The following LRRTM4 variants were observed in gnomAD, a reference collection of about 807,000 sequenced individuals.
LRRTM4 encodes leucine-rich repeat transmembrane neuronal protein 4.
A neutral mutation model predicts 47.6 loss-of-function variants in LRRTM4; 25 were observed. That is an observed-to-expected ratio of 0.53 (90% CI 0.38 to 0.73). The LOEUF (loss-of-function observed/expected upper bound fraction) is 0.73. LRRTM4 is among the 30% of genes least tolerant of loss of function. The pLI is 0.00. For synonymous variants in LRRTM4, 311 were observed against 269.5 expected (o/e 1.15, Z -1.51); for missense variants, 638 against 713.4 (o/e 0.89, Z 1.20).
chr2:77,182,500 C>T (rs1673377328), intron 3 of LRRTM4, among the ~76,000 whole-genome samples: 1 of 151,964 alleles, frequency 6.6e-6, no homozygotes, highest in Admixed American at 6.6e-5. Context: ...ACATATACCT[C>T]TGTAACAAAC....
rs537932443 is a variant in LRRTM4 at position 77,427,789 on chromosome 2, A to G, written c.1551+90529T>C. On this transcript the variant is annotated intron_variant, in intron 3 of 3. Transcript: ENST00000409884. ...ACTGAAGAGTTAAAATTCTTTGCTT[A>G]TTGATATATAAATCAATGTTACTAA... 2.6e-5 allele frequency among the ~76,000 whole-genome samples: 4 copies of G among 152,338 alleles called. No homozygotes were observed. In the South Asian group the frequency reaches 8.3e-4, roughly 32 times the overall value.
chr2:77,250,180 C>T (rs891637718), intron 3 of LRRTM4, among the ~76,000 whole-genome samples: 12 of 152,014 alleles, frequency 7.9e-5, no homozygotes, highest in Non-Finnish European at 1.3e-4. Flanking sequence ...GGGAGGTATA[C>T]CATGGCAGTG....
chr2:77,131,356 T>A (rs1671798749), intron 3 of LRRTM4, among the ~76,000 whole-genome samples: 1 of 152,170 alleles, frequency 6.6e-6, no homozygotes, highest in Admixed American at 6.5e-5. Context: ...ATATCAGCTC[T>A]CCTGAAATTC....
Position 76,911,854 on chromosome 2 carries a change from C to CTG in LRRTM4, c.1552-162940_1552-162939dup, listed in dbSNP as rs575835660. Reference sequence around the variant, plus strand: ...TGTGTGTGTGTATATTTGTGTGTGTCTGTGTGTGTGTGTGTAGCTTGAAAT... The same window carrying CTG: ...TGTGTGTGTGTATATTTGTGTGTGTCTGTGTGTGTGTGTGTGTAGCTTGAAAT... On this transcript the variant is annotated intron_variant, in intron 3 of 3. Coordinates refer to ENST00000409884, the MANE Select transcript of LRRTM4 (RefSeq NM_001134745.3). Among the ~76,000 whole-genome samples, 326 of 143,968 alleles carry CTG rather than the reference C, an allele frequency of 2.3e-3. 1 individual carries two copies. Among genetic ancestry groups the CTG allele is most frequent in the Non-Finnish European group, 3.5e-3 (235 of 66,428 alleles). The allele number at this position is 143,968 out of a possible 152,430, so 94.4% of individuals were successfully genotyped here. A position where few individuals can be genotyped will look rare whatever the true frequency, so the allele number is the denominator to read the frequency against.
In LRRTM4 at chr2:76,748,657, C is replaced by A; in HGVS notation, c.*38G>T. 7.1e-7 allele frequency: 1 copy of A among 1,403,852 alleles called. No homozygotes were observed. Among genetic ancestry groups the A allele is most frequent in the South Asian group, 1.2e-5 (1 of 86,914 alleles). The allele number at this position is 1,403,852 out of a possible 1,614,324, so 87.0% of individuals were successfully genotyped here. A position where few individuals can be genotyped will look rare whatever the true frequency, so the allele number is the denominator to read the frequency against. On this transcript the variant is annotated 3_prime_UTR_variant, in exon 4 of 4. Coordinates refer to ENST00000409884, the MANE Select transcript of LRRTM4 (RefSeq NM_001134745.3). Reference sequence around the variant, plus strand: ...CCTTTAAGATGAAGGCCCTCCCTCCCCCCCATGGAGCTCCCCAGTGAGGAG... The same window carrying A: ...CCTTTAAGATGAAGGCCCTCCCTCCACCCCATGGAGCTCCCCAGTGAGGAG...
At chr2:76,749,051 CAT>C (rs1672754473) in intron 3 of LRRTM4, 135 bp from the exon 4 acceptor site, 2 of 667,146 alleles carry the variant, frequency 3.0e-6, no homozygotes, top group Non-Finnish European at 5.2e-6. Flanking sequence ...TACAAATAAA[CAT>C]TAACAAAATG....
chr2:76,969,379 G>T (rs1252885122), intron 3 of LRRTM4, among the ~76,000 whole-genome samples: 1 of 151,830 alleles, frequency 6.6e-6, no homozygotes, highest in Non-Finnish European at 1.5e-5. Context: ...CAAGAAGTAT[G>T]AACGGTGCTA....
At chr2:77,261,747 A>G (rs1675925388) in intron 3 of LRRTM4, among the ~76,000 whole-genome samples, 1 of 152,112 alleles carries the variant, frequency 6.6e-6, no homozygotes, top group Non-Finnish European at 1.5e-5. Context: ...AATCAAATAA[A>G]CAACAACAAT....
At chr2:77,043,917 T>G (rs919291325) in intron 3 of LRRTM4, among the ~76,000 whole-genome samples, 1 of 151,660 alleles carries the variant, frequency 6.6e-6, no homozygotes, top group African/African-American at 2.4e-5. Flanking sequence ...AAACATTTTT[T>G]TTTTTACCCA....
At chr2:77,037,405 T>C (rs1307005514) in intron 3 of LRRTM4, among the ~76,000 whole-genome samples, 3 of 151,792 alleles carry the variant, frequency 2.0e-5, no homozygotes, top group Admixed American at 6.6e-5. Flanking sequence ...TGGGTCACTA[T>C]AGTTCTCTCT....
intron 3 of LRRTM4, among the ~76,000 whole-genome samples, chr2:77,493,300 A>G (rs754732745): frequency 9.2e-5 from 14 of 152,076 alleles, no homozygotes; most frequent in Non-Finnish European, 1.3e-4. Context: ...AAACAGGGAA[A>G]ATGAATCGGT....
intron 3 of LRRTM4, among the ~76,000 whole-genome samples, chr2:76,781,813 A>C (rs368018001): frequency 6.6e-6 from 1 of 152,116 alleles, no homozygotes; most frequent in African/African-American, 2.4e-5. Context: ...TTTTTCCTGA[A>C]GAGGACACTT....
intron 3 of LRRTM4, among the ~76,000 whole-genome samples, chr2:77,047,942 G>A (rs1679288574): frequency 6.6e-6 from 1 of 152,026 alleles, no homozygotes. Context: ...ACATTTAGCA[G>A]TGAAGTAACA....
chr2:76,833,574 A>G (rs1267216219), intron 3 of LRRTM4, among the ~76,000 whole-genome samples: 1 of 114,148 alleles, frequency 8.8e-6, no homozygotes, highest in Non-Finnish European at 1.7e-5. Flanking sequence ...TTATAAATTT[A>G]TATTCATAAT....
chr2:76,804,388 T>C (rs190816133), intron 3 of LRRTM4, among the ~76,000 whole-genome samples: 431 of 151,918 alleles, frequency 2.8e-3, no homozygotes, highest in Non-Finnish European at 4.4e-3. Context: ...AGAACACACA[T>C]ACACACACAC....
chr2:77,474,315 G>A (rs1677299091), intron 3 of LRRTM4, among the ~76,000 whole-genome samples: 1 of 151,992 alleles, frequency 6.6e-6, no homozygotes, highest in Admixed American at 6.6e-5. Context: ...TCTGTCTGGG[G>A]CTGTCACTAT....
At chr2:77,285,340 T>TATATATATATATATATATA (rs1676621332) in intron 3 of LRRTM4, among the ~76,000 whole-genome samples, 22 of 82,604 alleles carry the variant, frequency 2.7e-4, no homozygotes, top group East Asian at 5.1e-4. Flanking sequence ...AGCATTAAAT[T>TATATATATATATATATATA]TATATATATA....
At chr2:76,794,199 T>G (rs1675132600) in intron 3 of LRRTM4, among the ~76,000 whole-genome samples, 1 of 152,220 alleles carries the variant, frequency 6.6e-6, no homozygotes. Context: ...GATTACTATG[T>G]AAGCTTATAG....
At chr2:77,379,242 T>C (rs919056654) in intron 3 of LRRTM4, among the ~76,000 whole-genome samples, 2 of 152,120 alleles carry the variant, frequency 1.3e-5, no homozygotes, top group Non-Finnish European at 2.9e-5. Flanking sequence ...CCCTCCCCTG[T>C]TTTGGCGATC....
Sources: gnomAD v4.1 joint callset for allele counts (sites outside exome capture counted in the v4.1 genomes callset) on GRCh38, gnomAD v4.1.1 for gene constraint, MANE v1.5 for transcripts, NCBI Gene and HGNC (gene_info 2026-07-23, HGNC 2026-07-21) for gene names.